The following ATP10D variants were observed in gnomAD, a reference collection of about 807,000 sequenced individuals.
ATP10D encodes ATPase phospholipid transporting 10D (putative), also known as phospholipid-transporting ATPase VD.
In ATP10D, 89 loss-of-function variants were observed where a neutral mutation model predicts 144.8. The ratio of observed to expected loss-of-function variants is 0.61; its 90% CI spans 0.52 to 0.73. The LOEUF (loss-of-function observed/expected upper bound fraction) is 0.73. Ranked by LOEUF, ATP10D falls within the 30% of genes least tolerant of loss-of-function variation. The probability of loss-of-function intolerance (pLI) is 0.00; values close to 1 mark genes in which losing one functional copy is unlikely to be tolerated. For missense variants in ATP10D, 1,603 were observed against 1,714.8 expected (o/e 0.93, Z 1.15); for synonymous variants, 571 against 615.1 (o/e 0.93, Z 1.06).
At chr4:47,490,065 T>C (rs527950378) in intron 1 of ATP10D, among the ~76,000 whole-genome samples, 4 of 152,334 alleles carry the variant, frequency 2.6e-5, no homozygotes, top group South Asian at 4.1e-4. Context: ...AAAATCAATT[T>C]TGACCTGTCT....
intron 10 of ATP10D, among the ~76,000 whole-genome samples, chr4:47,550,312 T>C (rs1051291800): frequency 1.3e-5 from 2 of 152,160 alleles, no homozygotes; most frequent in Non-Finnish European, 2.9e-5. Flanking sequence ...TAAAACAAAT[T>C]TAACATTTAA....
intron 14 of ATP10D, 142 bp downstream of exon 14, chr4:47,561,217 CT>C (rs1354051916): frequency 1.8e-6 from 2 of 1,102,412 alleles, no homozygotes; most frequent in East Asian, 5.0e-5. Context: ...CTCTATCCAA[CT>C]TCCAATCCAT....
chr4:47,535,090 A>T (rs1717769207), intron 5 of ATP10D, among the ~76,000 whole-genome samples: 1 of 152,112 alleles, frequency 6.6e-6, no homozygotes, highest in African/African-American at 2.4e-5. Flanking sequence ...ACATGTTCTC[A>T]CTTATAAGTG....
rs1317934441 is a variant in ATP10D at position 47,536,849 on chromosome 4, T to C, written c.1307T>C (p.Phe436Ser). ...AEDLGQIQYL[F>S]SDKTGTLTEN... The stretch of plus-strand genomic sequence containing the variant: ...GATCTGGGACAGATTCAGTACCTCT[T>C]TTCCGATAAGACAGGAACCCTCACT... Residue 436 changes from phenylalanine (F) to serine (S), a missense_variant, in exon 9 of 23, where the codon TTT (phenylalanine) becomes TCT (serine). Transcript: ENST00000273859. 6.2e-7 allele frequency: 1 copy of C among 1,613,312 alleles called. No individual in the cohort carries two copies. The highest frequency in any genetic ancestry group is 2.2e-5 in the East Asian group (1 of 44,870).
intron 9 of ATP10D, among the ~76,000 whole-genome samples, chr4:47,543,390 T>C (rs778111293): frequency 2.6e-5 from 4 of 152,176 alleles, no homozygotes; most frequent in African/African-American, 4.8e-5. Context: ...TACTCAAGGA[T>C]TTATCAGTCT....
intron 5 of ATP10D, among the ~76,000 whole-genome samples, chr4:47,532,977 G>A (rs62297978): frequency 0.17 from 25,346 of 152,114 alleles, 2,765 homozygotes; most frequent in East Asian, 0.62. Context: ...GTACCATACC[G>A]TAAGTGCCAA....
At chr4:47,510,907 A>T (rs1716290511) in intron 1 of ATP10D, among the ~76,000 whole-genome samples, 1 of 152,244 alleles carries the variant, frequency 6.6e-6, no homozygotes, top group Admixed American at 6.5e-5. Flanking sequence ...TTTTAAAAAA[A>T]GTCACATTTG....
chr4:47,535,378 C>A, intron 5 of ATP10D, 131 bp from the exon 6 acceptor site: 3 of 637,210 alleles, frequency 4.7e-6, no homozygotes, highest in East Asian at 3.2e-5. Context: ...GTAAATGGGC[C>A]AGAGATTTGA....
Position 47,525,651 on chromosome 4 carries a change from T to C in ATP10D, c.776+9T>C, listed in dbSNP as rs978303339. The C allele has an allele frequency of 1.3e-6, 2 of 1,594,080 alleles. No individual in the cohort carries two copies. The highest frequency in any genetic ancestry group is 1.7e-6 in the Non-Finnish European group (2 of 1,162,074). On this transcript the variant is annotated intron_variant, in intron 5 of 22. Coordinates refer to ENST00000273859, the MANE Select transcript of ATP10D (RefSeq NM_020453.4). ...AGATTCCGAGGCTTCCTGTGAGTAA[T>C]ACATGATGAACATTTGTGGGTGTAA... is the stretch of plus-strand genomic sequence containing the variant.
At chr4:47,570,868 CA>C in intron 16 of ATP10D, among the ~76,000 whole-genome samples, 1 of 151,706 alleles carries the variant, frequency 6.6e-6, no homozygotes, top group South Asian at 2.1e-4. Context: ...GCCTTGACAC[CA>C]AAGAATGAGT....
At chr4:47,505,045 G>A (rs1164441308) in intron 1 of ATP10D, among the ~76,000 whole-genome samples, 1 of 152,210 alleles carries the variant, frequency 6.6e-6, no homozygotes, top group African/African-American at 2.4e-5. Context: ...AATGTTGGTT[G>A]AAACTAATTC....
Position 47,557,727 on chromosome 4 carries a change from C to T in ATP10D, c.1888C>T (p.Gln630Ter), listed in dbSNP as rs1719053640. ...KSLEEIKSLF[Q>*]RWSVRRSSSP... Reference sequence around the variant, plus strand: ...TTTGGAAGAGATTAAAAGTCTTTTCCAGAGATGGTCTGTCCGAAGATCAAG... The same window carrying T: ...TTTGGAAGAGATTAAAAGTCTTTTCTAGAGATGGTCTGTCCGAAGATCAAG... The change falls in exon 12 of 23, where the codon CAG (glutamine) becomes TAG (stop). Residue 630 changes from glutamine (Q) to a stop codon, truncating the protein, a stop_gained. Coordinates refer to ENST00000273859, the MANE Select transcript of ATP10D (RefSeq NM_020453.4). LOFTEE classifies it high-confidence loss of function. The T allele has an allele frequency of 6.2e-7, 1 of 1,614,186 alleles. No homozygotes were observed. The highest frequency in any genetic ancestry group is 8.5e-7 in the Non-Finnish European group (1 of 1,180,032).
chr4:47,536,085 A>G, intron 7 of ATP10D, 52 bp downstream of exon 7: 1 of 1,556,856 alleles, frequency 6.4e-7, no homozygotes, highest in East Asian at 2.3e-5. Flanking sequence ...ATATTAAAGT[A>G]TTTTATTTCA....
chr4:47,534,534 C>T (rs551479724), intron 5 of ATP10D, among the ~76,000 whole-genome samples: 123 of 152,222 alleles, frequency 8.1e-4, no homozygotes, highest in Non-Finnish European at 1.4e-3. Flanking sequence ...AATCATGAGG[C>T]CCACGATGTC....
intron 1 of ATP10D, among the ~76,000 whole-genome samples, chr4:47,502,597 C>T (rs1467756457): frequency 6.8e-6 from 1 of 147,564 alleles, no homozygotes; most frequent in Non-Finnish European, 1.5e-5. Context: ...TTTAATTATA[C>T]ATGTTTTTCT....
chr4:47,543,904 C>T (rs1035334512), intron 9 of ATP10D, among the ~76,000 whole-genome samples: 1 of 151,948 alleles, frequency 6.6e-6, no homozygotes, highest in East Asian at 1.9e-4. Context: ...AACTTCCTAC[C>T]CCACAACTTT....
At position 47,569,095 on chromosome 4, in the gene ATP10D, G is replaced by A; in HGVS notation, c.3112G>A (p.Glu1038Lys). ...CCGAGCCACACCGCTGCAGAAAAGT[G>A]AAGTGGTGAAATTGGTCCGCAGCCA... is the stretch of plus-strand genomic sequence containing the variant. ...CCRATPLQKS[E>K]VVKLVRSHLQ... is the part of the protein sequence containing the mutation. The change falls in exon 16 of 23, where the codon GAA (glutamate) becomes AAA (lysine). Residue 1038 changes from glutamate to lysine, a missense_variant. Coordinates refer to ENST00000273859, the MANE Select transcript of ATP10D (RefSeq NM_020453.4). 6.2e-7 allele frequency: 1 copy of A among 1,614,172 alleles called. No homozygotes were observed. Among genetic ancestry groups the A allele is most frequent in the Non-Finnish European group, 8.5e-7 (1 of 1,180,042 alleles).
chr4:47,553,923 A>G (rs1161197273), intron 10 of ATP10D, among the ~76,000 whole-genome samples: 2 of 152,322 alleles, frequency 1.3e-5, no homozygotes, highest in South Asian at 2.1e-4. Flanking sequence ...GTGCTTTTGT[A>G]CAACCTTGAT....
intron 1 of ATP10D, chr4:47,491,193 C>G (rs10022897): frequency 0.25 from 182,857 of 745,500 alleles, 27,952 homozygotes; most frequent in East Asian, 0.64. Context: ...GCTCAATATG[C>G]ACATTAATTC....
Sources: gnomAD v4.1 joint callset for allele counts (sites outside exome capture counted in the v4.1 genomes callset) on GRCh38, gnomAD v4.1.1 for gene constraint, MANE v1.5 for transcripts, NCBI Gene and HGNC (gene_info 2026-07-23, HGNC 2026-07-21) for gene names.